Variants in DAB1 observed in about 807,000 individuals in gnomAD.
DAB1 encodes DAB adaptor protein 1, also known as disabled homolog 1.
A neutral mutation model predicts 64.6 loss-of-function variants in DAB1; 15 were observed. The ratio of observed to expected loss-of-function variants is 0.23; its 90% CI spans 0.16 to 0.36. The LOEUF is 0.36. DAB1 is among the 10% of genes least tolerant of loss of function. The pLI is 1.00. For synonymous variants in DAB1, 235 were observed against 251.9 expected, an observed-to-expected ratio of 0.93 and a Z score of 0.64; for missense variants, 596 against 706.7, an observed-to-expected ratio of 0.84 and a Z score of 1.78.
At chr1:57,739,468 TCC>T (rs1557453163) in intron 6 of DAB1, among the ~76,000 whole-genome samples, 11 of 24,892 alleles carry the variant, frequency 4.4e-4, no homozygotes, top group African/African-American at 2.1e-3. Flanking sequence ...TTCCCTCCCC[TCC>T]CCTCCCCTCC....
At chr1:58,209,195 A>G (rs1274676522) in intron 4 of DAB1, among the ~76,000 whole-genome samples, 2 of 152,190 alleles carry the variant, frequency 1.3e-5, no homozygotes, top group South Asian at 4.1e-4. Context: ...TTGCTAGGAA[A>G]TGAGGCTACA....
intron 2 of DAB1, among the ~76,000 whole-genome samples, chr1:58,510,608 T>G (rs935180162): frequency 3.3e-5 from 5 of 152,006 alleles, no homozygotes; most frequent in African/African-American, 1.2e-4. Context: ...AATACAGCAC[T>G]GGGAGTCCTA....
chr1:58,200,275 C>A (rs991665524), intron 4 of DAB1, among the ~76,000 whole-genome samples: 1 of 152,156 alleles, frequency 6.6e-6, no homozygotes, highest in East Asian at 1.9e-4. Flanking sequence ...CAGCTCCCTA[C>A]ATGAACTTGC....
At chr1:57,789,957 C>A (rs959002666) in intron 6 of DAB1, among the ~76,000 whole-genome samples, 1 of 152,096 alleles carries the variant, frequency 6.6e-6, no homozygotes, top group Non-Finnish European at 1.5e-5. Context: ...TGAGCCCTGT[C>A]AAGAACCTCA....
At chr1:57,042,126 T>C (rs1213913232) in intron 9 of DAB1, among the ~76,000 whole-genome samples, 1 of 152,172 alleles carries the variant, frequency 6.6e-6, no homozygotes, top group Non-Finnish European at 1.5e-5. Context: ...GTAGTTTCCC[T>C]TGAGGGAAAT....
intron 1 of DAB1, among the ~76,000 whole-genome samples, chr1:57,863,616 C>A (rs928409128): frequency 2.0e-5 from 3 of 152,072 alleles, no homozygotes; most frequent in Admixed American, 6.6e-5. Context: ...TGGCTGGGCA[C>A]TGAGGCCAGG....
intron 6 of DAB1, among the ~76,000 whole-genome samples, chr1:57,743,890 T>G (rs1220092083): frequency 6.6e-6 from 1 of 152,242 alleles, no homozygotes; most frequent in Non-Finnish European, 1.5e-5. Flanking sequence ...AAAATATCCC[T>G]TATGGGAAAT....
intron 7 of DAB1, among the ~76,000 whole-genome samples, chr1:57,588,961 C>T (rs1004191874): frequency 5.9e-5 from 9 of 151,860 alleles, no homozygotes; most frequent in East Asian, 1.9e-4. Flanking sequence ...TTTGGCTGGG[C>T]GCGGTGGCTC....
intron 6 of DAB1, among the ~76,000 whole-genome samples, chr1:57,820,463 A>G (rs550310317): frequency 1.3e-5 from 2 of 152,296 alleles, no homozygotes; most frequent in East Asian, 3.9e-4. Flanking sequence ...TGCAATTGAG[A>G]ATTTCTTACT....
At chr1:57,674,394 CT>C (rs1274617291) in intron 6 of DAB1, among the ~76,000 whole-genome samples, 1 of 152,176 alleles carries the variant, frequency 6.6e-6, no homozygotes, top group Non-Finnish European at 1.5e-5. Flanking sequence ...TACTGGAAGA[CT>C]CTTTTTCCCC....
chr1:57,530,139 A>T (rs1644644450), intron 7 of DAB1, among the ~76,000 whole-genome samples: 1 of 152,190 alleles, frequency 6.6e-6, no homozygotes, highest in Admixed American at 6.5e-5. Flanking sequence ...AAATACTTTG[A>T]TGCAAATTTT....
Position 57,150,817 on chromosome 1 carries a change from G to C in DAB1, c.68-5388C>G, listed in dbSNP as rs2100842862. Among the ~76,000 whole-genome samples the C allele has an allele frequency of 1.3e-5, 2 of 152,184 alleles. 1 individual carries two copies. On this transcript the variant is annotated intron_variant, in intron 2 of 14. Coordinates refer to ENST00000371236, the MANE Select transcript of DAB1 (RefSeq NM_001365792.1). ...GTGAGTAGTTGGCTTAGACTGTTTA[G>C]CAATCCTAATTATCTTCTGGAATCA... is the stretch of plus-strand genomic sequence containing the variant.
intron 5 of DAB1, among the ~76,000 whole-genome samples, chr1:58,111,184 G>A (rs1208008307): frequency 6.6e-6 from 1 of 152,206 alleles, no homozygotes; most frequent in African/African-American, 2.4e-5. Context: ...CTGAAGTCAA[G>A]AGAAGCTAGA....
chr1:58,133,335 G>C (rs1439119390), intron 5 of DAB1, among the ~76,000 whole-genome samples: 6 of 152,144 alleles, frequency 3.9e-5, no homozygotes, highest in Non-Finnish European at 8.8e-5. Flanking sequence ...ACCCTCAAAA[G>C]GTCACTCAGG....
At chr1:57,002,918 A>G (rs143280599) in intron 14 of DAB1, among the ~76,000 whole-genome samples, 13 of 152,364 alleles carry the variant, frequency 8.5e-5, no homozygotes, top group African/African-American at 3.1e-4. Flanking sequence ...TTGATTGTCT[A>G]GCACAGAGTC....
rs57316234 is a variant in DAB1, at chr1:57,687,599, C to CAAAAAAAAAAAAAAA, written n.552-37949_552-37935dup. Among the ~76,000 whole-genome samples, 270 of 82,172 alleles carry CAAAAAAAAAAAAAAA rather than the reference C, an allele frequency of 3.3e-3. 1 individual carries two copies. The highest frequency in any genetic ancestry group is 0.031 in the Middle Eastern group (3 of 98). The allele number at this position is 82,172 out of a possible 152,430, so 53.9% of individuals were successfully genotyped here. On this transcript the variant is annotated intron_variant and non_coding_transcript_variant, in intron 6 of 20. Transcript: ENST00000485760. ...GAATATCGAAAGTAATCTTAAGAAA[C>CAAAAAAAAAAAAAAA]AAAAAAAAAAAAAAAAAAAAGAAAA... is the stretch of plus-strand genomic sequence containing the variant.
intron 1 of DAB1, among the ~76,000 whole-genome samples, chr1:57,371,869 G>A (rs1228912096): frequency 3.3e-5 from 5 of 152,296 alleles, no homozygotes; most frequent in African/African-American, 1.2e-4. Context: ...GTGGGGAGGT[G>A]CTACTGAAAT....
At chr1:58,301,495 T>A (rs994597003) in intron 4 of DAB1, among the ~76,000 whole-genome samples, 1 of 117,730 alleles carries the variant, frequency 8.5e-6, no homozygotes, top group Non-Finnish European at 1.7e-5. Context: ...ATTTTGCGAA[T>A]TTTTTTTTTA....
At chr1:57,071,729 C>T (rs1651489726) in intron 5 of DAB1, 88 bp from the exon 6 acceptor site, 4 of 1,276,774 alleles carry the variant, frequency 3.1e-6, no homozygotes, top group Non-Finnish European at 3.2e-6. Flanking sequence ...CAACCCGCAG[C>T]CCTTCCTTTT....
Sources: gnomAD v4.1 joint callset for allele counts (sites outside exome capture counted in the v4.1 genomes callset) on GRCh38, gnomAD v4.1.1 for gene constraint, MANE v1.5 for transcripts, NCBI Gene and HGNC (gene_info 2026-07-23, HGNC 2026-07-21) for gene names.